The following RUNDC3B variants were observed in gnomAD, a reference collection of about 807,000 sequenced individuals.
RUNDC3B encodes the protein RUN domain-containing protein 3B.
In RUNDC3B, 33 loss-of-function variants were observed where a neutral mutation model predicts 58.4. The observed-to-expected ratio is 0.56, with a 90% confidence interval of 0.43 to 0.75. The LOEUF is 0.75. Among genes scored for constraint, RUNDC3B ranks in the 30% least tolerant of loss-of-function variants. The probability of loss-of-function intolerance (pLI) is 0.00; values close to 1 mark genes in which losing one functional copy is unlikely to be tolerated. For missense variants in RUNDC3B, 501 were observed against 535.7 expected (o/e 0.94, Z 0.64); for synonymous variants, 193 against 195.2 (o/e 0.99, Z 0.10).
intron 4 of RUNDC3B, among the ~76,000 whole-genome samples, chr7:87,716,113 G>T (rs1000895775): frequency 6.6e-6 from 1 of 151,944 alleles, no homozygotes; most frequent in Non-Finnish European, 1.5e-5. Context: ...AATAAACCAC[G>T]TTCAGAGTGA....
intron 2 of RUNDC3B, among the ~76,000 whole-genome samples, chr7:87,680,214 T>G (rs1233511550): frequency 6.6e-6 from 1 of 150,472 alleles, no homozygotes; most frequent in African/African-American, 2.5e-5. Flanking sequence ...CCTCATCCCT[T>G]TTTGTGGCTG....
intron 1 of RUNDC3B, among the ~76,000 whole-genome samples, chr7:87,649,373 C>G (rs1312553493): frequency 6.6e-6 from 1 of 152,184 alleles, no homozygotes; most frequent in Non-Finnish European, 1.5e-5. Context: ...GAGGGAGATA[C>G]ATAGTTCAGA....
chr7:87,672,166 C>T (rs1481990271), intron 2 of RUNDC3B, among the ~76,000 whole-genome samples: 2 of 152,208 alleles, frequency 1.3e-5, no homozygotes, highest in Non-Finnish European at 2.9e-5. Flanking sequence ...TCTGTGTTGT[C>T]TGGAGAACAC....
At chr7:87,748,068 C>T (rs531423902) in intron 6 of RUNDC3B, among the ~76,000 whole-genome samples, 4 of 152,158 alleles carry the variant, frequency 2.6e-5, no homozygotes, top group Non-Finnish European at 4.4e-5. Flanking sequence ...AGTTTTAGCC[C>T]CTGCTCCTCT....
intron 5 of RUNDC3B, among the ~76,000 whole-genome samples, chr7:87,740,900 T>A (rs977776170): frequency 6.6e-6 from 1 of 152,062 alleles, no homozygotes; most frequent in Non-Finnish European, 1.5e-5. Context: ...TTGTTTGTTG[T>A]TTTATTGTTT....
intron 3 of RUNDC3B, among the ~76,000 whole-genome samples, chr7:87,705,801 T>C (rs1282849973): frequency 6.6e-6 from 1 of 152,190 alleles, no homozygotes; most frequent in Non-Finnish European, 1.5e-5. Context: ...ATATGATCCC[T>C]GAAAAAAACC....
intron 2 of RUNDC3B, among the ~76,000 whole-genome samples, chr7:87,655,789 C>T (rs777888034): frequency 9.2e-5 from 14 of 152,046 alleles, no homozygotes; most frequent in Admixed American, 2.6e-4. Context: ...GGAAACTTAA[C>T]CCCCTGTCCA....
rs560951558 is a variant in RUNDC3B at position 87,681,289 on chromosome 7, C to T, written c.239-19132C>T. ...AATAGTAATCCTATTCAATCCATCT[C>T]AGAAAATAGGAGATAACATTTCTCA... On this transcript the variant is annotated intron_variant, in intron 2 of 10. Coordinates refer to ENST00000394654, the MANE Select transcript of RUNDC3B (RefSeq NM_001134405.2). Among the ~76,000 whole-genome samples the T allele has an allele frequency of 5.2e-4, 78 of 150,594 alleles. 6 individuals are homozygous for T. Among genetic ancestry groups the T allele is most frequent in the African/African-American group, 1.4e-3 (57 of 40,600 alleles).
At chr7:87,712,488 A>G (rs1478456305) in intron 4 of RUNDC3B, among the ~76,000 whole-genome samples, 3 of 152,104 alleles carry the variant, frequency 2.0e-5, no homozygotes, top group Admixed American at 6.6e-5. Context: ...ATCATTTCCT[A>G]TGCAAGTAGA....
intron 2 of RUNDC3B, among the ~76,000 whole-genome samples, chr7:87,686,895 ATGATT>A (rs1304585629): frequency 6.6e-6 from 1 of 151,284 alleles, no homozygotes; most frequent in African/African-American, 2.4e-5. Flanking sequence ...GCAGTGAGCC[ATGATT>A]GTGCCACTCC....
intron 1 of RUNDC3B, among the ~76,000 whole-genome samples, chr7:87,645,575 T>G (rs1822920035): frequency 6.6e-6 from 1 of 152,224 alleles, no homozygotes; most frequent in African/African-American, 2.4e-5. Flanking sequence ...TTTTTAGACA[T>G]TCATCAAATT....
At chr7:87,634,524 G>T (rs1821564802) in intron 1 of RUNDC3B, among the ~76,000 whole-genome samples, 1 of 151,142 alleles carries the variant, frequency 6.6e-6, no homozygotes. Flanking sequence ...ATTCCAGCGG[G>T]AGGCTGAGAC....
intron 10 of RUNDC3B, among the ~76,000 whole-genome samples, chr7:87,819,278 G>C (rs535801676): frequency 6.6e-6 from 1 of 152,084 alleles, no homozygotes; most frequent in Non-Finnish European, 1.5e-5. Flanking sequence ...TACACCAAAG[G>C]TTAGTCTTAG....
chr7:87,829,498 G>A (rs905552745), intron 10 of RUNDC3B, among the ~76,000 whole-genome samples: 5 of 152,082 alleles, frequency 3.3e-5, no homozygotes, highest in Admixed American at 2.0e-4. Context: ...AACATCAGAT[G>A]GCTATACATG....
intron 2 of RUNDC3B, among the ~76,000 whole-genome samples, chr7:87,658,005 T>C (rs915494487): frequency 3.3e-5 from 5 of 152,152 alleles, no homozygotes; most frequent in African/African-American, 1.2e-4. Context: ...CAGCTTTCCA[T>C]TGAAACCATT....
chr7:87,791,321 C>A (rs755587496), intron 8 of RUNDC3B, among the ~76,000 whole-genome samples: 1 of 152,052 alleles, frequency 6.6e-6, no homozygotes, highest in Non-Finnish European at 1.5e-5. Context: ...CCTGTCCTAC[C>A]ACAAATGCTG....
intron 2 of RUNDC3B, among the ~76,000 whole-genome samples, chr7:87,657,443 G>T (rs1824218264): frequency 6.6e-6 from 1 of 152,106 alleles, no homozygotes; most frequent in African/African-American, 2.4e-5. Context: ...CTTAAAAAAG[G>T]CTGAATGGGA....
chr7:87,682,908 G>A (rs1008913092), intron 2 of RUNDC3B, among the ~76,000 whole-genome samples: 2 of 152,184 alleles, frequency 1.3e-5, no homozygotes, highest in African/African-American at 4.8e-5. Flanking sequence ...GGTTTAGATG[G>A]CATCTTCTTC....
intron 2 of RUNDC3B, among the ~76,000 whole-genome samples, chr7:87,688,590 T>A (rs182167531): frequency 4.1e-4 from 62 of 152,148 alleles, no homozygotes; most frequent in Non-Finnish European, 7.5e-4. Flanking sequence ...AGTGACCTTT[T>A]TTCTCCGTTG....
Sources: allele counts gnomAD v4.1 joint callset (sites outside exome capture counted in the v4.1 genomes callset), GRCh38; gene constraint gnomAD v4.1.1; transcripts MANE v1.5; gene names NCBI Gene and HGNC (gene_info 2026-07-23, HGNC 2026-07-21).